PTPN1: variants seen among roughly 807,000 people sequenced by gnomAD.
PTPN1 encodes the protein tyrosine-protein phosphatase non-receptor type 1.
In PTPN1, 12 loss-of-function variants were observed where a neutral mutation model predicts 59.9. That is an observed-to-expected ratio of 0.20 (90% confidence interval 0.13 to 0.32). The LOEUF (loss-of-function observed/expected upper bound fraction) is 0.32, where lower values mean the gene tolerates loss of function less well. Ranked by LOEUF, PTPN1 falls within the 10% of genes least tolerant of loss-of-function variation. The pLI is 1.00. For synonymous variants in PTPN1, 178 were observed against 203.6 expected, an observed-to-expected ratio of 0.87 and a Z score of 1.07; for missense variants, 356 against 549.2, an observed-to-expected ratio of 0.65 and a Z score of 3.52.
intron 1 of PTPN1, among the ~76,000 whole-genome samples, chr20:50,543,391 G>C (rs771940589): frequency 2.0e-5 from 3 of 152,172 alleles, no homozygotes; most frequent in Non-Finnish European, 2.9e-5. Flanking sequence ...AAAGAATGAA[G>C]GTAACCTGCA....
intron 1 of PTPN1, among the ~76,000 whole-genome samples, chr20:50,523,562 GA>G (rs544705960): frequency 2.1e-4 from 32 of 152,156 alleles, no homozygotes; most frequent in Non-Finnish European, 3.2e-4. Context: ...AGTGTCTGTT[GA>G]TTCAGTCATT....
intron 4 of PTPN1, among the ~76,000 whole-genome samples, chr20:50,570,355 T>G (rs1290480107): frequency 1.3e-5 from 2 of 152,216 alleles, no homozygotes; most frequent in African/African-American, 2.4e-5. Flanking sequence ...GCCTACTTTT[T>G]AAAAAATGAA....
rs17847896 is a variant in PTPN1 at position 50,579,147 on chromosome 20, T to C, written c.703-21T>C. Reference sequence around the variant, plus strand: ...TTGAGAATTGGACCTGGCTGACTTATATCTCCTCTCTGGCTTTCAGATGGA... The same window carrying C: ...TTGAGAATTGGACCTGGCTGACTTACATCTCCTCTCTGGCTTTCAGATGGA... On this transcript the variant is annotated intron_variant, in intron 6 of 9. Coordinates refer to ENST00000371621, the MANE Select transcript of PTPN1 (RefSeq NM_002827.4). 128 of 1,613,366 alleles carry C rather than the reference T, an allele frequency of 7.9e-5. No homozygotes were observed. In the East Asian group the frequency reaches 2.4e-3, roughly 30 times the overall value.
chr20:50,555,109 T>C (rs1244791182), intron 1 of PTPN1, among the ~76,000 whole-genome samples: 1 of 151,844 alleles, frequency 6.6e-6, no homozygotes, highest in Non-Finnish European at 1.5e-5. Flanking sequence ...AGAAAGGAAA[T>C]AGAGTAGAAG....
chr20:50,568,136 T>C lies in PTPN1; in HGVS notation c.256-244T>C, dbSNP rs2082788032. On this transcript the variant is annotated intron_variant, in intron 3 of 9. Coordinates refer to ENST00000371621, the MANE Select transcript of PTPN1 (RefSeq NM_002827.4). This position sits in a 1 kb window ranked among gnomAD's most constrained non-coding sequence, Gnocchi z 5.6. Reference sequence around the variant, plus strand: ...CCAGAAAGCAGAATCGGCATTTTTCTGTCCTTGGTTGGCCCAGCCCTGAAC... The same window carrying C: ...CCAGAAAGCAGAATCGGCATTTTTCCGTCCTTGGTTGGCCCAGCCCTGAAC... Among the ~76,000 whole-genome samples the C allele has an allele frequency of 6.6e-6, 1 of 152,238 alleles. No homozygotes were observed. Among genetic ancestry groups the C allele is most frequent in the Non-Finnish European group, 1.5e-5 (1 of 68,038 alleles).
At chr20:50,565,332 T>C (rs148122850) in intron 3 of PTPN1, among the ~76,000 whole-genome samples, 2 of 152,332 alleles carry the variant, frequency 1.3e-5, no homozygotes, top group East Asian at 1.9e-4. Context: ...GAGTTGCCTG[T>C]GTGGTCTGTT....
At chr20:50,514,856 T>G (rs776557004) in intron 1 of PTPN1, among the ~76,000 whole-genome samples, 12 of 152,210 alleles carry the variant, frequency 7.9e-5, no homozygotes, top group Admixed American at 2.6e-4. Flanking sequence ...CACCAGCCAT[T>G]CCATGTTCAC....
chr20:50,542,505 C>T (rs935721718), intron 1 of PTPN1, among the ~76,000 whole-genome samples: 3 of 152,142 alleles, frequency 2.0e-5, no homozygotes, highest in Non-Finnish European at 2.9e-5. Context: ...CTTAACCTAA[C>T]TTAGATGTTG....
At chr20:50,544,834 G>C (rs180920326) in intron 1 of PTPN1, among the ~76,000 whole-genome samples, 1 of 152,074 alleles carries the variant, frequency 6.6e-6, no homozygotes, top group Non-Finnish European at 1.5e-5. Flanking sequence ...GTGAAACCCC[G>C]TCTCTACTAA....
chr20:50,565,581 A>G (rs1367280444), intron 3 of PTPN1, among the ~76,000 whole-genome samples: 5 of 152,218 alleles, frequency 3.3e-5, no homozygotes, highest in Non-Finnish European at 7.3e-5. Flanking sequence ...GGCTTTTGGC[A>G]TCTTTATGGA....
At chr20:50,520,398 TC>T (rs1369717097) in intron 1 of PTPN1, among the ~76,000 whole-genome samples, 1 of 152,020 alleles carries the variant, frequency 6.6e-6, no homozygotes, top group Non-Finnish European at 1.5e-5. Context: ...TTAAGTGATT[TC>T]TTTGCTTTGT....
intron 1 of PTPN1, among the ~76,000 whole-genome samples, chr20:50,550,117 C>CA (rs1424976192): frequency 6.6e-6 from 1 of 152,154 alleles, no homozygotes; most frequent in East Asian, 1.9e-4. Flanking sequence ...GCAAGAGTTC[C>CA]AGGAAATGTA....
rs180787156 is a variant in PTPN1, at chr20:50,580,901, G to A, written c.1089-364G>A. On this transcript the variant is annotated intron_variant, in intron 8 of 9. Coordinates refer to ENST00000371621, the MANE Select transcript of PTPN1 (RefSeq NM_002827.4). The stretch of plus-strand genomic sequence containing the variant: ...AATGAGATCTGGGTGTACTGATGTG[G>A]CCAGACATTGCAATTGCAGTACATG... 9.8e-5 allele frequency among the ~76,000 whole-genome samples: 15 copies of A among 152,296 alleles called. No homozygotes were observed. The East Asian group carries it at 2.9e-3, about 29-fold the overall frequency.
In PTPN1 at chr20:50,511,769, G is replaced by GT. The variant is rs531049427; in HGVS notation, c.63+1180dup. On this transcript the variant is annotated intron_variant, in intron 1 of 9. Transcript: ENST00000371621. ...GATTAACTAAAACCACACTTGCACA[G>GT]TATCTTAAATAAGCGATATACAGAA... Among the ~76,000 whole-genome samples the GT allele has an allele frequency of 3.9e-5, 6 of 152,316 alleles. No homozygotes were observed. In the South Asian group the frequency reaches 1.2e-3, roughly 32 times the overall value.
chr20:50,519,305 C>CAG (rs761500614), intron 1 of PTPN1, among the ~76,000 whole-genome samples: 1 of 152,178 alleles, frequency 6.6e-6, no homozygotes, highest in African/African-American at 2.4e-5. Context: ...TTAATACACT[C>CAG]AGAGAGAGAA....
At position 50,578,424 on chromosome 20, in the gene PTPN1, A is replaced by C. The variant is rs529107431; in HGVS notation, c.497A>C (p.Gln166Pro). ...ATGAGTATTTTTCTCTTTCAGACCC[A>C]AGAAACTCGAGAGATCTTACATTTC... ...RQLELENLTT[Q>P]ETREILHFHY... is the part of the protein sequence containing the mutation. The change falls in exon 6 of 10, where the codon CAA (glutamine) becomes CCA (proline). Residue 166 changes from glutamine to proline, a missense_variant. Gln to Pro is a moderately conservative substitution (Grantham distance 76). This residue lies in a region of PTPN1 where 194 missense variants were observed against 344.2 expected (regional missense o/e 0.56). Transcript: ENST00000371621. 2 of 1,613,574 alleles carry C rather than the reference A, an allele frequency of 1.2e-6. No individual in the cohort carries two copies. The highest frequency in any genetic ancestry group is 1.7e-6 in the Non-Finnish European group (2 of 1,179,440).
rs545914729 is a variant in PTPN1, at chr20:50,584,463, G to A, written c.*1748G>A. 1 of 152,722 alleles carries A rather than the reference G, an allele frequency of 6.5e-6. No homozygotes were observed. The highest frequency in any genetic ancestry group is 2.4e-5 in the African/African-American group (1 of 41,556). The allele number at this position is 152,722 out of a possible 1,614,324, so 9.5% of individuals were successfully genotyped here. A position where few individuals can be genotyped will look rare whatever the true frequency, so the allele number is the denominator to read the frequency against. ...TTACACATTATGTTAGAGAGGTAGC[G>A]AGCTGCTCTGCTATATGCCTTAAGC... On this transcript the variant is annotated 3_prime_UTR_variant, in exon 10 of 10. Transcript: ENST00000371621.
intron 1 of PTPN1, among the ~76,000 whole-genome samples, chr20:50,559,636 T>C (rs2082742735): frequency 9.8e-5 from 2 of 20,346 alleles, no homozygotes; most frequent in African/African-American, 3.5e-4. Context: ...AATTTTCTAT[T>C]TTTTTTTCTT....
At chr20:50,565,905 A>C (rs1007103529) in intron 3 of PTPN1, among the ~76,000 whole-genome samples, 1 of 152,238 alleles carries the variant, frequency 6.6e-6, no homozygotes, top group Admixed American at 6.5e-5. Flanking sequence ...ATGCTCTATG[A>C]AGAAAGGCTG....
Sources: gnomAD v4.1 joint callset for allele counts (sites outside exome capture counted in the v4.1 genomes callset) on GRCh38, gnomAD v4.1.1 for gene constraint, gnomAD v4.1.1 regional missense constraint, Gnocchi (gnomAD v3.1) non-coding constraint, MANE v1.5 for transcripts, NCBI Gene and HGNC (gene_info 2026-07-23, HGNC 2026-07-21) for gene names.